DLGAP2: variants seen among roughly 807,000 people sequenced by gnomAD.
The protein encoded by DLGAP2 is DLG associated protein 2.
A neutral mutation model predicts 100.3 loss-of-function variants in DLGAP2; 26 were observed. The observed-to-expected ratio is 0.26, with a 90% CI of 0.19 to 0.36. The LOEUF (loss-of-function observed/expected upper bound fraction) is 0.36, where lower values mean the gene tolerates loss of function less well. Ranked by LOEUF, DLGAP2 falls within the 10% of genes least tolerant of loss-of-function variation. DLGAP2 has a pLI of 1.00. For missense variants in DLGAP2, 1,858 were observed against 1,453.2 expected (o/e 1.28, Z -4.53); for synonymous variants, 886 against 630.1 (o/e 1.41, Z -6.08).
intron 2 of DLGAP2, among the ~76,000 whole-genome samples, chr8:1,255,148 C>T (rs1446261994): frequency 4.0e-5 from 5 of 125,744 alleles, no homozygotes; most frequent in African/African-American, 1.6e-4. Context: ...GAGTGTGTGT[C>T]CTCTCCTGCC....
intron 1 of DLGAP2, among the ~76,000 whole-genome samples, chr8:842,519 T>G (rs1313340787): frequency 6.6e-6 from 1 of 152,238 alleles, no homozygotes; most frequent in African/African-American, 2.4e-5. Context: ...TATTATTATG[T>G]GCCTTGGTGG....
At chr8:1,517,792 G>C (rs1198390264) in intron 4 of DLGAP2, among the ~76,000 whole-genome samples, 1 of 152,220 alleles carries the variant, frequency 6.6e-6, no homozygotes, top group Non-Finnish European at 1.5e-5. Flanking sequence ...TGTTGGATTA[G>C]GGATCACAAA....
At position 1,549,346 on chromosome 8, in the gene DLGAP2, G is replaced by A. The variant is rs754153845; in HGVS notation, c.893G>A (p.Ser298Asn). ...CGGCCCGGCATGAGCAGCTGGTGGA[G>A]CTCGGACGACAACCTGGACAGCGAC... is the stretch of plus-strand genomic sequence containing the variant. ...KPRPGMSSWW[S>N]SDDNLDSDST... The change falls in exon 5 of 15, where the codon AGC becomes AAC. Residue 298 changes from serine (S) to asparagine (N), a missense_variant. Transcript: ENST00000637795. 6.2e-7 allele frequency: 1 copy of A among 1,613,336 alleles called. No homozygotes were observed.
intron 1 of DLGAP2, among the ~76,000 whole-genome samples, chr8:804,640 T>C (rs6559185): frequency 0.99 from 151,280 of 152,390 alleles, 75,102 homozygotes; most frequent in Middle Eastern, 1. Flanking sequence ...AAGAAAAAAG[T>C]TCATTATGTT....
intron 3 of DLGAP2, among the ~76,000 whole-genome samples, chr8:1,384,256 T>A (rs894633260): frequency 6.6e-6 from 1 of 152,250 alleles, no homozygotes; most frequent in Admixed American, 6.5e-5. Flanking sequence ...AAGCAAGAAT[T>A]GTGACTGCAC....
intron 3 of DLGAP2, among the ~76,000 whole-genome samples, chr8:1,327,252 G>A (rs1275579131): frequency 6.6e-6 from 1 of 152,228 alleles, no homozygotes. Flanking sequence ...ACCAACCAGG[G>A]TCCCTTGGCC....
At chr8:1,072,688 A>T (rs1803471466) in intron 2 of DLGAP2, among the ~76,000 whole-genome samples, 1 of 152,186 alleles carries the variant, frequency 6.6e-6, no homozygotes, top group Non-Finnish European at 1.5e-5. Context: ...GCTCTCCTGG[A>T]GAAGATGTGC....
intron 2 of DLGAP2, among the ~76,000 whole-genome samples, chr8:1,100,931 TTTC>T (rs1424622993): frequency 6.6e-6 from 1 of 152,238 alleles, no homozygotes; most frequent in African/African-American, 2.4e-5. Context: ...CCAGTGAAAC[TTTC>T]TTTAAAGATA....
intron 4 of DLGAP2, among the ~76,000 whole-genome samples, chr8:1,526,861 C>T (rs7011875): frequency 0.076 from 11,520 of 152,258 alleles, 496 homozygotes; most frequent in Middle Eastern, 0.16. Flanking sequence ...TCTGGGCAGC[C>T]CTCCTGCAGC....
rs782499346 is a variant in DLGAP2, at chr8:1,287,633, A to AGTGTGT, written c.106+28771_106+28776dup. Among the ~76,000 whole-genome samples the AGTGTGT allele has an allele frequency of 8.5e-4, 59 of 69,648 alleles. 4 individuals carry two copies. Among genetic ancestry groups the AGTGTGT allele is most frequent in the South Asian group, 2.5e-3 (4 of 1,614 alleles). 45.7% of individuals were successfully genotyped at this position (69,648 alleles called of 152,430 possible). ...CTGTTAGGGGAACTAGTTTCGGTTG[A>AGTGTGT]GTGTGTGTGTGTGTGTGTGTGTGTG... is the stretch of plus-strand genomic sequence containing the variant. On this transcript the variant is annotated intron_variant, in intron 3 of 14. Coordinates refer to ENST00000637795, the MANE Select transcript of DLGAP2 (RefSeq NM_001346810.2).
intron 1 of DLGAP2, among the ~76,000 whole-genome samples, chr8:794,546 G>A (rs1171905282): frequency 6.6e-6 from 1 of 152,246 alleles, no homozygotes; most frequent in Non-Finnish European, 1.5e-5. Context: ...GCAGGAGCAT[G>A]TCTTTAAAGC....
In DLGAP2 at chr8:1,439,748, C is replaced by A. The variant is rs527475082; in HGVS notation, c.107-61618C>A. ...GCTGCTTTGGATGAGCCACATGTGC[C>A]CACCCTCTCCCCACCATCCCCCAGA... is the stretch of plus-strand genomic sequence containing the variant. On this transcript the variant is annotated intron_variant, in intron 3 of 14. Transcript: ENST00000637795. Among the ~76,000 whole-genome samples the A allele has an allele frequency of 7.2e-5, 11 of 152,080 alleles. No homozygotes were observed. The South Asian group carries it at 2.1e-3, about 29-fold the overall frequency.
At chr8:1,172,921 TGAG>T (rs1797161114) in intron 2 of DLGAP2, among the ~76,000 whole-genome samples, 1 of 152,222 alleles carries the variant, frequency 6.6e-6, no homozygotes, top group Admixed American at 6.5e-5. Flanking sequence ...CGATTGCTGG[TGAG>T]GAACTGTGAT....
chr8:1,572,128 A>G (rs1260998437), intron 6 of DLGAP2, among the ~76,000 whole-genome samples: 665 of 14,158 alleles, frequency 0.047, no homozygotes, highest in Admixed American at 0.068. Flanking sequence ...GGTGAACTGG[A>G]GGGGCATCTT....
At chr8:1,384,343 C>CA (rs1563119032) in intron 3 of DLGAP2, among the ~76,000 whole-genome samples, 2 of 148,640 alleles carry the variant, frequency 1.3e-5, no homozygotes, top group African/African-American at 4.9e-5. Context: ...GGCCTGTGCC[C>CA]GGCCCCTGAG....
At chr8:895,389 G>A (rs982503887) in intron 1 of DLGAP2, among the ~76,000 whole-genome samples, 1 of 152,126 alleles carries the variant, frequency 6.6e-6, no homozygotes, top group African/African-American at 2.4e-5. Flanking sequence ...AGCATCCCCC[G>A]TGCTGAGACA....
chr8:1,457,166 G>T (rs554001084), intron 3 of DLGAP2, among the ~76,000 whole-genome samples: 1 of 152,176 alleles, frequency 6.6e-6, no homozygotes, highest in African/African-American at 2.4e-5. Context: ...AAATATGTTG[G>T]AGTAGGCCTT....
intron 2 of DLGAP2, among the ~76,000 whole-genome samples, chr8:942,448 TTTTCC>T (rs1374344919): frequency 6.6e-6 from 1 of 152,218 alleles, no homozygotes; most frequent in Non-Finnish European, 1.5e-5. Flanking sequence ...TGGGATGTAC[TTTTCC>T]CACTCACATC....
At chr8:1,058,157 G>C (rs1021015145) in intron 2 of DLGAP2, among the ~76,000 whole-genome samples, 1 of 151,746 alleles carries the variant, frequency 6.6e-6, no homozygotes, top group Non-Finnish European at 1.5e-5. Context: ...TTGACTAGCG[G>C]CGGGTCTGGG....
Sources: gnomAD v4.1 joint callset for allele counts (sites outside exome capture counted in the v4.1 genomes callset) on GRCh38, gnomAD v4.1.1 for gene constraint, MANE v1.5 for transcripts, NCBI Gene and HGNC (gene_info 2026-07-23, HGNC 2026-07-21) for gene names.